Variants in RASSF5 observed in about 807,000 individuals in gnomAD.
RASSF5 encodes ras association domain-containing protein 5.
A neutral mutation model predicts 40.5 loss-of-function variants in RASSF5; 25 were observed. The ratio of observed to expected loss-of-function variants is 0.62; its 90% confidence interval spans 0.45 to 0.86. RASSF5 has a LOEUF of 0.86. RASSF5 is among the 40% of genes least tolerant of loss of function. The probability of loss-of-function intolerance (pLI) is 0.00; values close to 1 mark genes in which losing one functional copy is unlikely to be tolerated. For synonymous variants in RASSF5, 246 were observed against 252.4 expected, an observed-to-expected ratio of 0.97 and a Z score of 0.24; for missense variants, 521 against 572.8, an observed-to-expected ratio of 0.91 and a Z score of 0.92.
Position 206,552,579 on chromosome 1 carries a change from C to A in RASSF5, c.579+14286C>A, listed in dbSNP as rs1414157029. 6.6e-6 allele frequency among the ~76,000 whole-genome samples: 1 copy of A among 152,024 alleles called. No individual in the cohort carries two copies. The highest frequency in any genetic ancestry group is 1.5e-5 in the Non-Finnish European group (1 of 68,014). On this transcript the variant is annotated intron_variant, in intron 2 of 5. Coordinates refer to ENST00000579436, the MANE Select transcript of RASSF5 (RefSeq NM_182663.4). The surrounding 1 kb of genome is among the most constrained non-coding windows in gnomAD (Gnocchi z 4.1). ...GTGCACCGTGAAGGGTCTTGAAGGA[C>A]CTGCTCAAGAGTTTGGAATAGGTGG...
intron 1 of RASSF5, among the ~76,000 whole-genome samples, chr1:206,516,932 C>A (rs1028987395): frequency 6.6e-6 from 1 of 152,074 alleles, no homozygotes; most frequent in Non-Finnish European, 1.5e-5. Context: ...GTTTGATGGT[C>A]CCAAGTGTCA....
At chr1:206,522,663 C>T (rs1367425057) in intron 1 of RASSF5, among the ~76,000 whole-genome samples, 2 of 152,134 alleles carry the variant, frequency 1.3e-5, no homozygotes, top group African/African-American at 4.8e-5. Context: ...CAGACTTTCC[C>T]ACCTCTTTCT....
intron 2 of RASSF5, among the ~76,000 whole-genome samples, chr1:206,539,270 TAC>T (rs1281250718): frequency 1.3e-5 from 2 of 152,206 alleles, no homozygotes; most frequent in Non-Finnish European, 2.9e-5. Context: ...ATCCGGTGCT[TAC>T]AGTAGGGTAA....
intron 2 of RASSF5, among the ~76,000 whole-genome samples, chr1:206,549,898 C>T (rs1553400824): frequency 1.3e-5 from 2 of 152,156 alleles, no homozygotes; most frequent in East Asian, 1.9e-4. Context: ...CTTTCTCTAG[C>T]CTTGGGTCAT....
intron 1 of RASSF5, among the ~76,000 whole-genome samples, chr1:206,509,721 ATTTTC>A (rs1242273423): frequency 2.6e-5 from 3 of 114,376 alleles, no homozygotes; most frequent in Non-Finnish European, 5.5e-5. Flanking sequence ...TAGTTTTGTG[ATTTTC>A]TTTTTTTTTT....
chr1:206,558,002 C>T (rs918496707), intron 2 of RASSF5, among the ~76,000 whole-genome samples: 4 of 152,226 alleles, frequency 2.6e-5, no homozygotes, highest in African/African-American at 9.6e-5. Flanking sequence ...GGTCTCATAA[C>T]CGCACCCCCT....
In RASSF5 at chr1:206,513,134, G is replaced by A. The variant is rs2103500896; in HGVS notation, c.457+5075G>A. 6.6e-6 allele frequency among the ~76,000 whole-genome samples: 1 copy of A among 152,338 alleles called. No homozygotes were observed. Among genetic ancestry groups the A allele is most frequent in the East Asian group, 1.9e-4 (1 of 5,186 alleles). On this transcript the variant is annotated intron_variant, in intron 1 of 5. Coordinates refer to ENST00000579436, the MANE Select transcript of RASSF5 (RefSeq NM_182663.4). The surrounding 1 kb of genome is among the most constrained non-coding windows in gnomAD (Gnocchi z 5.0). ...AGTCAGCACCTCTGTGTGAGAGGCT[G>A]CTACCTGAGGTGGGATGGCCATGGG...
chr1:206,578,243 T>G (rs949930575), intron 2 of RASSF5, among the ~76,000 whole-genome samples: 8 of 150,072 alleles, frequency 5.3e-5, no homozygotes, highest in Admixed American at 1.3e-4. Context: ...AGTGTGTGTG[T>G]GTGTGTGTGT....
chr1:206,557,580 G>A (rs1237262050), intron 2 of RASSF5: 6 of 1,614,022 alleles, frequency 3.7e-6, no homozygotes, highest in Non-Finnish European at 5.1e-6. Context: ...GTAGATGACC[G>A]TGGACAGCAG....
intron 1 of RASSF5, among the ~76,000 whole-genome samples, chr1:206,509,573 C>T (rs1666561546): frequency 6.6e-6 from 1 of 152,134 alleles, no homozygotes; most frequent in African/African-American, 2.4e-5. Context: ...TCCAACAACC[C>T]TACACACAGG....
At chr1:206,574,289 G>C (rs1184365855) in intron 2 of RASSF5, among the ~76,000 whole-genome samples, 1 of 152,172 alleles carries the variant, frequency 6.6e-6, no homozygotes, top group East Asian at 1.9e-4. Flanking sequence ...CACTGTACTT[G>C]CTCTGGTGTG....
rs1233360643 is a variant in RASSF5, at chr1:206,589,149, T to C, written c.*2171T>C. 6.5e-6 allele frequency: 1 copy of C among 152,770 alleles called. No homozygotes were observed. Among genetic ancestry groups the C allele is most frequent in the Non-Finnish European group, 1.5e-5 (1 of 68,030 alleles). 9.5% of individuals were successfully genotyped at this position (152,770 alleles called of 1,614,324 possible). A position where few individuals can be genotyped will look rare whatever the true frequency, so the allele number is the denominator to read the frequency against. On this transcript the variant is annotated 3_prime_UTR_variant, in exon 6 of 6. Transcript: ENST00000579436. ...GTTCCCTCCCAGAGGTGGGAGTAAC[T>C]GCTGGTAGTGCCTTCTTTGGTTGTG...
intron 2 of RASSF5, among the ~76,000 whole-genome samples, chr1:206,567,446 G>A (rs1184089860): frequency 6.6e-6 from 1 of 152,154 alleles, no homozygotes; most frequent in African/African-American, 2.4e-5. Context: ...GTTTGGCAGT[G>A]CCATTGGTCT....
chr1:206,533,363 C>T (rs1331948498), intron 1 of RASSF5, among the ~76,000 whole-genome samples: 1 of 152,160 alleles, frequency 6.6e-6, no homozygotes, highest in Non-Finnish European at 1.5e-5. Flanking sequence ...TAGAAACCGC[C>T]ATCTGTTTGG....
Position 206,507,986 on chromosome 1 carries a change from G to C in RASSF5, c.384G>C (p.Leu128Phe). 6.5e-7 allele frequency: 1 copy of C among 1,530,768 alleles called. No homozygotes were observed. The highest frequency in any genetic ancestry group is 1.4e-5 in the African/African-American group (1 of 70,916). 94.8% of individuals were successfully genotyped at this position (1,530,768 alleles called of 1,614,324 possible). Residue 128 changes from leucine to phenylalanine, a missense_variant, in exon 1 of 6, where the codon TTG (leucine) becomes TTC (phenylalanine). Around this residue, in one of 2 missense-constraint regions of RASSF5, gnomAD observed 237 missense variants for 212.0 expected, o/e 1.12. Transcript: ENST00000579436. ...GCGAGGGGCACTGCTTCGCCGAGTTGGTGCTGCCGGGCGGCCCCGGCTGGT... is the reference window on the plus strand; with the variant it reads ...GCGAGGGGCACTGCTTCGCCGAGTTCGTGCTGCCGGGCGGCCCCGGCTGGT... ...ERGEGHCFAELVLPGGPGWCD... is the reference protein window; with the variant it reads ...ERGEGHCFAEFVLPGGPGWCD...
At chr1:206,532,993 G>A (rs1667280945) in intron 1 of RASSF5, among the ~76,000 whole-genome samples, 1 of 152,212 alleles carries the variant, frequency 6.6e-6, no homozygotes, top group African/African-American at 2.4e-5. Context: ...TGTGCATTTG[G>A]CAACTGGGTT....
intron 2 of RASSF5, chr1:206,557,450 C>G (rs1029791465): frequency 5.5e-6 from 8 of 1,448,928 alleles, no homozygotes; most frequent in African/African-American, 1.4e-5. Flanking sequence ...GCTCCCGGCT[C>G]GGGGCTCAGA....
chr1:206,540,756 C>T (rs1014026729), intron 2 of RASSF5, among the ~76,000 whole-genome samples: 2 of 152,190 alleles, frequency 1.3e-5, no homozygotes, highest in Non-Finnish European at 2.9e-5. Context: ...CATCATCGAC[C>T]TGGGCTGAGC....
chr1:206,528,941 G>C lies in RASSF5; in HGVS notation c.458-9231G>C, dbSNP rs1455569393. 13 of 628,630 alleles carry C rather than the reference G, an allele frequency of 2.1e-5. No individual in the cohort carries two copies. The East Asian group carries it at 3.5e-4, about 17-fold the overall frequency. 38.9% of individuals were successfully genotyped at this position (628,630 alleles called of 1,614,324 possible). Reference sequence around the variant, plus strand: ...TGCTGAAAGGAAAGAAGGCCAAGGGGAAGAAGGTGGCTCCTGTCGTGAAGA... The same window carrying C: ...TGCTGAAAGGAAAGAAGGCCAAGGGCAAGAAGGTGGCTCCTGTCGTGAAGA... On this transcript the variant is annotated intron_variant, in intron 1 of 5. Transcript: ENST00000579436.
Sources: gnomAD v4.1 joint callset for allele counts (sites outside exome capture counted in the v4.1 genomes callset) on GRCh38, gnomAD v4.1.1 for gene constraint, gnomAD v4.1.1 regional missense constraint, Gnocchi (gnomAD v3.1) non-coding constraint, MANE v1.5 for transcripts, NCBI Gene and HGNC (gene_info 2026-07-23, HGNC 2026-07-21) for gene names.